The following BPIFC variants were observed in gnomAD, a reference collection of about 807,000 sequenced individuals.
The protein encoded by BPIFC is BPI fold containing family C.
In BPIFC, 60 loss-of-function variants were observed where a neutral mutation model predicts 57.6. That is an observed-to-expected ratio of 1.04 (90% confidence interval 0.85 to 1.29). The LOEUF (loss-of-function observed/expected upper bound fraction) is 1.29. Ranked by LOEUF, BPIFC falls within the 50% of genes most tolerant of loss-of-function variation. The pLI is 0.00. For missense variants in BPIFC, 581 were observed against 600.5 expected (o/e 0.97, Z 0.34); for synonymous variants, 243 against 224.5 (o/e 1.08, Z -0.74).
intron 13 of BPIFC, among the ~76,000 whole-genome samples, chr22:32,426,690 G>C (rs753910079): frequency 4.2e-4 from 64 of 152,120 alleles, no homozygotes; most frequent in South Asian, 1.0e-3. Context: ...TCAGGAGTTC[G>C]AGACCAGCCT....
At chr22:32,432,085 A>G (rs926306) in intron 12 of BPIFC, among the ~76,000 whole-genome samples, 1 of 151,688 alleles carries the variant, frequency 6.6e-6, no homozygotes, top group Non-Finnish European at 1.5e-5. Flanking sequence ...CAGGTGCACA[A>G]CACCACCACA....
Position 32,435,848 on chromosome 22 carries a change from G to T in BPIFC, c.780C>A (p.Asp260Glu), listed in dbSNP as rs185545602. ...CAAAAGGAACTGGTGAGAAGGGGGGGTCGGTGAGGTTTTCCAGTGGGTAGA... is the reference window on the plus strand; with the variant it reads ...CAAAAGGAACTGGTGAGAAGGGGGGTTCGGTGAGGTTTTCCAGTGGGTAGA... Reference protein sequence around the residue: ...GVFYPLENLTDPPFSPVPFVL... With the variant: ...GVFYPLENLTEPPFSPVPFVL... The change falls in exon 10 of 17, where the codon GAC (aspartate) becomes GAA (glutamate). Residue 260 changes from aspartate to glutamate, a missense_variant. By Grantham distance (45) the Asp-to-Glu change is conservative. Coordinates refer to ENST00000300399, the MANE Select transcript of BPIFC (RefSeq NM_174932.3). 1 of 1,614,156 alleles carries T rather than the reference G, an allele frequency of 6.2e-7. No individual in the cohort carries two copies. Among genetic ancestry groups the T allele is most frequent in the Non-Finnish European group, 8.5e-7 (1 of 1,180,016 alleles).
At chr22:32,442,185 G>A (rs1330225917) in intron 8 of BPIFC, among the ~76,000 whole-genome samples, 2 of 152,196 alleles carry the variant, frequency 1.3e-5, no homozygotes, top group African/African-American at 4.8e-5. Flanking sequence ...GGAGGGCAGT[G>A]GAAACAGTTT....
At chr22:32,424,603 C>CTTCTTCTTCTTCTTCTT (rs1556036435) in intron 13 of BPIFC, among the ~76,000 whole-genome samples, 689 of 38,964 alleles carry the variant, frequency 0.018, 164 homozygotes, top group African/African-American at 0.057. Context: ...TTCTTCTTCT[C>CTTCTTCTTCTTCTTCTT]CTCCTCCTCC....
At chr22:32,427,404 G>A (rs1934097984) in intron 13 of BPIFC, among the ~76,000 whole-genome samples, 1 of 152,142 alleles carries the variant, frequency 6.6e-6, no homozygotes, top group Non-Finnish European at 1.5e-5. Flanking sequence ...GATCCTGCCA[G>A]TAAACCAGAC....
chr22:32,441,280 C>G (rs748946691), intron 8 of BPIFC, among the ~76,000 whole-genome samples: 4 of 152,204 alleles, frequency 2.6e-5, no homozygotes, highest in Non-Finnish European at 5.9e-5. Context: ...CCTGGTCACT[C>G]TATCTAGAAT....
At chr22:32,415,360 T>G (rs2145905487) in intron 16 of BPIFC, among the ~76,000 whole-genome samples, 1 of 152,154 alleles carries the variant, frequency 6.6e-6, no homozygotes, top group South Asian at 2.1e-4. Flanking sequence ...TAGAAACATA[T>G]TTCCACCTCC....
intron 16 of BPIFC, among the ~76,000 whole-genome samples, chr22:32,415,410 A>G (rs1324801262): frequency 6.6e-6 from 1 of 152,232 alleles, no homozygotes; most frequent in Non-Finnish European, 1.5e-5. Context: ...AAAGAAAAAA[A>G]GGTATTCTGA....
chr22:32,440,817 C>A (rs1344072663), intron 8 of BPIFC, among the ~76,000 whole-genome samples: 1 of 152,152 alleles, frequency 6.6e-6, no homozygotes, highest in Non-Finnish European at 1.5e-5. Flanking sequence ...ATCACCCCAC[C>A]CTAGGCCGGC....
chr22:32,415,001 T>C (rs1312964232), intron 16 of BPIFC, among the ~76,000 whole-genome samples: 1 of 152,216 alleles, frequency 6.6e-6, no homozygotes, highest in Non-Finnish European at 1.5e-5. Context: ...CCCAGCCTTT[T>C]TGGCATTAGC....
At chr22:32,448,218 G>T (rs1934786643) in intron 4 of BPIFC, among the ~76,000 whole-genome samples, 1 of 152,036 alleles carries the variant, frequency 6.6e-6, no homozygotes, top group South Asian at 2.1e-4. Flanking sequence ...ACAGGCGCAT[G>T]CCACCACACC....
chr22:32,446,654 G>T, intron 5 of BPIFC: 1 of 695,692 alleles, frequency 1.4e-6, no homozygotes, highest in Non-Finnish European at 1.8e-6. Flanking sequence ...GTGTTATCCT[G>T]TGGCACCAAC....
chr22:32,464,410 T>A lies in BPIFC; in HGVS notation c.-125A>T. 1 of 985,332 alleles carries A rather than the reference T, an allele frequency of 1.0e-6. No individual in the cohort carries two copies. The highest frequency in any genetic ancestry group is 1.2e-6 in the Non-Finnish European group (1 of 829,914). 61.0% of individuals were successfully genotyped at this position (985,332 alleles called of 1,614,324 possible). On this transcript the variant is annotated 5_prime_UTR_variant, in exon 1 of 17. In the 5' UTR this introduces an upstream ATG that the reference lacks. Coordinates refer to ENST00000300399, the MANE Select transcript of BPIFC (RefSeq NM_174932.3). The stretch of plus-strand genomic sequence containing the variant: ...GAAGTGTCCAAAGCTGGAGAGCACC[T>A]TCGATTCTCTCTGCCTTTGAAGCTG...
In BPIFC at chr22:32,435,813, T is replaced by C. The variant is rs1282764641; in HGVS notation, c.815A>G (p.Glu272Gly). Reference protein sequence around the residue: ...PFSPVPFVLPERSNSMLYIGI... With the variant: ...PFSPVPFVLPGRSNSMLYIGI... ...AATGTAGAGCATGGAGTTGCTGCGT[T>C]CTGGGAGCACAAAAGGAACTGGTGA... is the stretch of plus-strand genomic sequence containing the variant. The change falls in exon 10 of 17, where the codon GAA becomes GGA. Residue 272 changes from glutamate to glycine, a missense_variant. Glu to Gly is a moderately conservative substitution (Grantham distance 98, BLOSUM62 -2). Transcript: ENST00000300399. 6.2e-7 allele frequency: 1 copy of C among 1,614,160 alleles called. No homozygotes were observed. The highest frequency in any genetic ancestry group is 1.7e-5 in the Admixed American group (1 of 60,012).
chr22:32,435,939 A>C, intron 9 of BPIFC, 59 bp from the exon 10 acceptor site: 2 of 1,535,818 alleles, frequency 1.3e-6, no homozygotes, highest in South Asian at 2.5e-5. Context: ...TTCTAAGAAG[A>C]CTAAGAAGAT....
At chr22:32,430,345 C>T (rs1356604871) in intron 13 of BPIFC, among the ~76,000 whole-genome samples, 2 of 151,992 alleles carry the variant, frequency 1.3e-5, no homozygotes, top group Non-Finnish European at 2.9e-5. Flanking sequence ...CCTTAACTCC[C>T]AAAGCTTTAT....
rs543930945 is a variant in BPIFC at position 32,463,727 on chromosome 22, G to A, written c.-89+647C>T. Among the ~76,000 whole-genome samples, 548 of 152,304 alleles carry A rather than the reference G, an allele frequency of 3.6e-3. 6 individuals carry two copies. The highest frequency in any genetic ancestry group is 0.013 in the African/African-American group (532 of 41,562). The stretch of plus-strand genomic sequence containing the variant: ...AAGACAAAATGACCGTACATAAGAA[G>A]TCTAAATCGACAGGTATGGAACGTG... On this transcript the variant is annotated intron_variant, in intron 1 of 16. Coordinates refer to ENST00000300399, the MANE Select transcript of BPIFC (RefSeq NM_174932.3).
chr22:32,428,637 G>C (rs529115115), intron 13 of BPIFC, among the ~76,000 whole-genome samples: 1 of 151,280 alleles, frequency 6.6e-6, no homozygotes, highest in African/African-American at 2.4e-5. Flanking sequence ...GGTGGCTCAC[G>C]CCTGTAATCC....
intron 13 of BPIFC, among the ~76,000 whole-genome samples, chr22:32,430,604 T>C (rs1326959351): frequency 6.7e-6 from 1 of 148,858 alleles, no homozygotes; most frequent in East Asian, 1.9e-4. Context: ...ATTTAATTTG[T>C]ATATGTATAT....
Sources: gnomAD v4.1 joint callset for allele counts (sites outside exome capture counted in the v4.1 genomes callset) on GRCh38, gnomAD v4.1.1 for gene constraint, MANE v1.5 for transcripts, NCBI Gene and HGNC (gene_info 2026-07-23, HGNC 2026-07-21) for gene names.